Variants in GREB1L observed in about 807,000 individuals in gnomAD.
GREB1L encodes the protein GREB1-like protein.
Under a neutral mutation model 200.8 loss-of-function variants are expected in GREB1L, and 17 were observed. The observed-to-expected ratio is 0.08, with a 90% CI of 0.06 to 0.13. The LOEUF (loss-of-function observed/expected upper bound fraction) is 0.13, where lower values mean the gene tolerates loss of function less well. Among genes scored for constraint, GREB1L ranks in the 10% least tolerant of loss-of-function variants. The pLI is 1.00. For missense variants in GREB1L, 1,657 were observed against 2,367.7 expected, an observed-to-expected ratio of 0.70 and a Z score of 6.23; for synonymous variants, 789 against 893.0, an observed-to-expected ratio of 0.88 and a Z score of 2.08.
chr18:21,308,643 G>A (rs746201397), intron 1 of GREB1L, among the ~76,000 whole-genome samples: 7 of 152,160 alleles, frequency 4.6e-5, no homozygotes, highest in Admixed American at 3.3e-4. Flanking sequence ...CTCTCACTCC[G>A]TGATTTATTT....
In GREB1L at chr18:21,395,466, TG is replaced by T. The variant is rs2041015896; in HGVS notation, c.442del (p.Ala148ProfsTer11). On this transcript the variant is annotated frameshift_variant, in exon 5 of 33. Transcript: ENST00000424526. LOFTEE classifies it high-confidence loss of function. ...QIDIPAGFLL[V>X]GAKSPNLPEH... Reference sequence around the variant, plus strand: ...GACATCCCAGCAGGATTCCTCCTGGTGGGGGCCAAGTCTCCCAATCTGCCTG... The same window carrying T: ...GACATCCCAGCAGGATTCCTCCTGGTGGGGCCAAGTCTCCCAATCTGCCTG... 6.4e-7 allele frequency: 1 copy of T among 1,550,952 alleles called. No individual in the cohort carries two copies. Among genetic ancestry groups the T allele is most frequent in the South Asian group, 1.2e-5 (1 of 84,036 alleles).
chr18:21,483,523 G>A (rs1484974819), intron 17 of GREB1L, among the ~76,000 whole-genome samples: 1 of 152,114 alleles, frequency 6.6e-6, no homozygotes, highest in Admixed American at 6.6e-5. Context: ...AACATATTCC[G>A]GTGCTCTCAT....
At chr18:21,288,611 T>C (rs2038396049) in intron 1 of GREB1L, among the ~76,000 whole-genome samples, 1 of 152,234 alleles carries the variant, frequency 6.6e-6, no homozygotes, top group South Asian at 2.1e-4. Flanking sequence ...CCCTTTTATG[T>C]AAGTCTAAGA....
intron 7 of GREB1L, among the ~76,000 whole-genome samples, chr18:21,430,581 C>CTTTT (rs147151717): frequency 6.6e-5 from 4 of 60,212 alleles, no homozygotes; most frequent in East Asian, 5.5e-4. Flanking sequence ...GATTTGGGAT[C>CTTTT]TTTTTTTTTT....
chr18:21,511,667 C>T (rs924093538), intron 27 of GREB1L, among the ~76,000 whole-genome samples: 1 of 152,164 alleles, frequency 6.6e-6, no homozygotes, highest in Non-Finnish European at 1.5e-5. Context: ...TTCTTTAAGA[C>T]AGGGTCTTGC....
intron 1 of GREB1L, among the ~76,000 whole-genome samples, chr18:21,355,947 T>C (rs1483652067): frequency 6.6e-6 from 1 of 151,840 alleles, no homozygotes; most frequent in African/African-American, 2.4e-5. Flanking sequence ...TCTAATTTTG[T>C]ATGAGAAATA....
intron 7 of GREB1L, among the ~76,000 whole-genome samples, chr18:21,436,669 GGTGTGT>G (rs71178172): frequency 0.031 from 4,100 of 132,508 alleles, 114 homozygotes; most frequent in African/African-American, 0.071. Context: ...AAAGTTCAGT[GGTGTGT>G]GTGTGTGTGT....
chr18:21,411,653 A>G (rs2144703372), intron 7 of GREB1L, among the ~76,000 whole-genome samples: 2 of 152,330 alleles, frequency 1.3e-5, no homozygotes, highest in South Asian at 4.1e-4. Flanking sequence ...CATTCTAGGG[A>G]ACTTTTTGTA....
chr18:21,266,220 A>G (rs955226005), intron 1 of GREB1L, among the ~76,000 whole-genome samples: 3 of 152,208 alleles, frequency 2.0e-5, no homozygotes, highest in African/African-American at 7.2e-5. Flanking sequence ...TGGTTACGGT[A>G]TCAAAAGAAT....
intron 7 of GREB1L, among the ~76,000 whole-genome samples, chr18:21,427,859 T>C (rs961474884): frequency 6.6e-6 from 1 of 152,158 alleles, no homozygotes; most frequent in Non-Finnish European, 1.5e-5. Context: ...TTACCCTAGA[T>C]AGAACTTCTT....
rs566792787 is a variant in GREB1L, at chr18:21,417,993, A to G, written c.832+13999A>G. On this transcript the variant is annotated intron_variant, in intron 7 of 32. Coordinates refer to ENST00000424526, the MANE Select transcript of GREB1L (RefSeq NM_001142966.3). ...GAGACTCCATCTCAAAAAAAAAAAA[A>G]AGAAAAGAAAAAGAAAACCACTGAA... 5.3e-5 allele frequency among the ~76,000 whole-genome samples: 8 copies of G among 152,004 alleles called. 1 individual carries two copies. In the South Asian group the frequency reaches 1.7e-3, roughly 32 times the overall value.
intron 1 of GREB1L, among the ~76,000 whole-genome samples, chr18:21,242,877 G>A (rs927926445): frequency 6.6e-6 from 1 of 152,156 alleles, no homozygotes; most frequent in Non-Finnish European, 1.5e-5. Flanking sequence ...GCGGGCGACA[G>A]GTAGGGCGCC....
chr18:21,361,404 G>T (rs1240094210), intron 1 of GREB1L, among the ~76,000 whole-genome samples: 1 of 152,168 alleles, frequency 6.6e-6, no homozygotes, highest in African/African-American at 2.4e-5. Context: ...ATTGGAAGGG[G>T]CACATGAATT....
At position 21,485,592 on chromosome 18, in the gene GREB1L, T is replaced by A. The variant is rs199827313; in HGVS notation, c.2557-28T>A. 6.6e-4 allele frequency: 1,025 copies of A among 1,546,722 alleles called. 1 individual carries two copies. The highest frequency in any genetic ancestry group is 7.9e-4 in the Non-Finnish European group (904 of 1,144,104). ...AAGACACACTGTATCCTGTCCTCAT[T>A]GGGTTTTTGCTCTGTATTTTGAACC... is the stretch of plus-strand genomic sequence containing the variant. On this transcript the variant is annotated intron_variant, in intron 17 of 32. Coordinates refer to ENST00000424526, the MANE Select transcript of GREB1L (RefSeq NM_001142966.3).
At chr18:21,442,491 T>C (rs1215642141) in intron 10 of GREB1L, among the ~76,000 whole-genome samples, 1 of 152,162 alleles carries the variant, frequency 6.6e-6, no homozygotes, top group African/African-American at 2.4e-5. Context: ...TTTTGAACAT[T>C]AACATAGTGC....
At position 21,323,317 on chromosome 18, in the gene GREB1L, A is replaced by G. The variant is rs550247919; in HGVS notation, c.-119-42710A>G. ...TGAAATAAAAAATCAAAATTGAATAATATAAGTTAAAGTCAGAAGACAAAA... is the reference window on the plus strand; with the variant it reads ...TGAAATAAAAAATCAAAATTGAATAGTATAAGTTAAAGTCAGAAGACAAAA... On this transcript the variant is annotated intron_variant, in intron 1 of 32. Coordinates refer to ENST00000424526, the MANE Select transcript of GREB1L (RefSeq NM_001142966.3). Among the ~76,000 whole-genome samples the G allele has an allele frequency of 3.9e-5, 6 of 152,222 alleles. No homozygotes were observed. In the South Asian group the frequency reaches 6.2e-4, roughly 16 times the overall value.
chr18:21,515,280 C>T (rs2037377582), intron 28 of GREB1L, 137 bp from the exon 29 acceptor site: 1 of 664,804 alleles, frequency 1.5e-6, no homozygotes, highest in Admixed American at 2.9e-5. Context: ...ACATTCTTCT[C>T]CATTTGCTAA....
intron 1 of GREB1L, among the ~76,000 whole-genome samples, chr18:21,253,186 T>C (rs1293532233): frequency 6.6e-6 from 1 of 152,178 alleles, no homozygotes; most frequent in Non-Finnish European, 1.5e-5. Flanking sequence ...GTTTACCATA[T>C]TGTTTCACAG....
At chr18:21,387,086 T>G (rs539871606) in intron 4 of GREB1L, among the ~76,000 whole-genome samples, 1 of 152,340 alleles carries the variant, frequency 6.6e-6, no homozygotes, top group Non-Finnish European at 1.5e-5. Context: ...TGGTTGCTAA[T>G]TTCTTATGTA....
Sources: gnomAD v4.1 joint callset for allele counts (sites outside exome capture counted in the v4.1 genomes callset) on GRCh38, gnomAD v4.1.1 for gene constraint, MANE v1.5 for transcripts, NCBI Gene and HGNC (gene_info 2026-07-23, HGNC 2026-07-21) for gene names.